Variants in LYRM1 observed in about 807,000 individuals in gnomAD.
LYRM1 encodes LYR motif-containing protein 1.
LYRM1 carries 14 observed loss-of-function variants against 14.9 expected under a neutral mutation model. The ratio of observed to expected loss-of-function variants is 0.94; its 90% CI spans 0.62 to 1.47. The LOEUF is 1.47. Ranked by LOEUF, LYRM1 falls within the 40% of genes most tolerant of loss-of-function variation. The probability of loss-of-function intolerance (pLI) is 0.00; values close to 1 mark genes in which losing one functional copy is unlikely to be tolerated. For missense variants in LYRM1, 153 were observed against 149.9 expected, an observed-to-expected ratio of 1.02 and a Z score of -0.11; for synonymous variants, 43 against 56.2, an observed-to-expected ratio of 0.77 and a Z score of 1.05.
At chr16:20,920,885 C>T (rs2083151202) in intron 3 of LYRM1, among the ~76,000 whole-genome samples, 1 of 150,038 alleles carries the variant, frequency 6.7e-6, no homozygotes, top group Non-Finnish European at 1.5e-5. Flanking sequence ...GAGACCCTGT[C>T]TCAAAAAATA....
intron 3 of LYRM1, among the ~76,000 whole-genome samples, chr16:20,923,498 CA>C (rs66570481): frequency 5.0e-4 from 55 of 110,410 alleles, no homozygotes; most frequent in Admixed American, 7.7e-4. Flanking sequence ...AACTGTGTCT[CA>C]AAAAAAAAAA....
intron 1 of LYRM1, chr16:20,902,386 TAATA>T (rs1168618459): frequency 6.6e-6 from 1 of 152,064 alleles, no homozygotes; most frequent in African/African-American, 2.4e-5. Flanking sequence ...TAGTTGGAGA[TAATA>T]AATAAGGAAG....
At chr16:20,918,610 A>C (rs2083029583) in intron 2 of LYRM1, among the ~76,000 whole-genome samples, 1 of 152,192 alleles carries the variant, frequency 6.6e-6, no homozygotes, top group South Asian at 2.1e-4. Context: ...TCAGATAGAC[A>C]GCTGAAGCCC....
intron 2 of LYRM1, among the ~76,000 whole-genome samples, chr16:20,917,994 C>T (rs2059402435): frequency 6.6e-6 from 1 of 151,950 alleles, no homozygotes; most frequent in Non-Finnish European, 1.5e-5. Flanking sequence ...TAACTGACCT[C>T]CTCCAGGAAA....
intron 1 of LYRM1, among the ~76,000 whole-genome samples, chr16:20,907,813 A>T (rs1305864490): frequency 1.3e-5 from 2 of 152,144 alleles, no homozygotes; most frequent in African/African-American, 4.8e-5. Context: ...CCCAGAAAAT[A>T]ACCCCCACCT....
rs539282314 is a variant in LYRM1, at chr16:20,924,267, A to T, written c.*151A>T. 133 of 588,988 alleles carry T rather than the reference A, an allele frequency of 2.3e-4. No individual in the cohort carries two copies. The highest frequency in any genetic ancestry group is 5.7e-4 in the Admixed American group (18 of 31,730). 36.5% of individuals were successfully genotyped at this position (588,988 alleles called of 1,614,324 possible). A position where few individuals can be genotyped will look rare whatever the true frequency, so the allele number is the denominator to read the frequency against. On this transcript the variant is annotated 3_prime_UTR_variant, in exon 4 of 4. Transcript: ENST00000567954. ...CTCCCCCTGTGATGTAAACTTAGAT[A>T]TCCCTAGAGTTTCTCAGCATCTTTC...
At chr16:20,914,982 G>T (rs575452182) in intron 1 of LYRM1, among the ~76,000 whole-genome samples, 1 of 152,300 alleles carries the variant, frequency 6.6e-6, no homozygotes, top group South Asian at 2.1e-4. Flanking sequence ...AATAATAAGT[G>T]TGAGCTTTGG....
At chr16:20,909,959 T>G (rs2082506552) in intron 1 of LYRM1, among the ~76,000 whole-genome samples, 1 of 152,106 alleles carries the variant, frequency 6.6e-6, no homozygotes, top group South Asian at 2.1e-4. Flanking sequence ...ATTACTTAAG[T>G]GAGGAGTGCT....
Position 20,911,536 on chromosome 16 carries a change from A to G in LYRM1, c.1-4020A>G, listed in dbSNP as rs547928025. ...CCTGTTAGAGGAAAACCCAGAACTC[A>G]GAATGAGGTGTCCAGCTGCCTGGCC... On this transcript the variant is annotated intron_variant, in intron 1 of 3. Coordinates refer to ENST00000567954, the MANE Select transcript of LYRM1 (RefSeq NM_001128302.3). Among the ~76,000 whole-genome samples, 27 of 152,336 alleles carry G rather than the reference A, an allele frequency of 1.8e-4. No homozygotes were observed. The South Asian group carries it at 5.6e-3, about 32-fold the overall frequency.
chr16:20,914,277 CTTTTTT>C (rs3054656), intron 1 of LYRM1, among the ~76,000 whole-genome samples: 4 of 109,300 alleles, frequency 3.7e-5, no homozygotes, highest in African/African-American at 1.0e-4. Context: ...ACAGTCGTCA[CTTTTTT>C]TTTTTTTTTT....
intron 3 of LYRM1, chr16:20,921,711 A>T (rs1363267483): frequency 1.3e-5 from 1 of 75,656 alleles, no homozygotes; most frequent in East Asian, 4.2e-4. Context: ...AAATTTCTTA[A>T]AAAAAAAAAA....
rs200822121 is a variant in LYRM1 at position 20,915,580 on chromosome 16, G to A, written c.25G>A (p.Val9Ile). Residue 9 changes from valine (V) to isoleucine (I), a missense_variant, in exon 2 of 4, where the codon GTC (valine) becomes ATC (isoleucine). Transcript: ENST00000567954. MTTATRQE[V>I]LGLYRSIFRL... ...GATGACAACGGCAACACGACAAGAA[G>A]TCCTTGGCCTCTACCGCAGCATTTT... The A allele has an allele frequency of 1.8e-5, 29 of 1,613,886 alleles. No individual in the cohort carries two copies. Among genetic ancestry groups the A allele is most frequent in the Admixed American group, 5.0e-5 (3 of 59,978 alleles).
At chr16:20,906,380 G>A (rs951648567) in intron 1 of LYRM1, among the ~76,000 whole-genome samples, 1 of 152,182 alleles carries the variant, frequency 6.6e-6, no homozygotes. Context: ...ATCTCATTTG[G>A]GTGGAGTTTA....
chr16:20,903,996 T>C (rs370201174), intron 1 of LYRM1, among the ~76,000 whole-genome samples: 1 of 143,664 alleles, frequency 7.0e-6, no homozygotes, highest in Admixed American at 7.0e-5. Context: ...AATGAATGAA[T>C]GATCTTTAGC....
chr16:20,915,215 G>A (rs1489761746), intron 1 of LYRM1, among the ~76,000 whole-genome samples: 2 of 152,190 alleles, frequency 1.3e-5, no homozygotes, highest in Non-Finnish European at 2.9e-5. Flanking sequence ...GCTCACGCTT[G>A]TAATCCCAGC....
At chr16:20,903,215 CA>C (rs2082153332) in intron 1 of LYRM1, among the ~76,000 whole-genome samples, 2 of 152,166 alleles carry the variant, frequency 1.3e-5, no homozygotes, top group Non-Finnish European at 2.9e-5. Context: ...CATCAAAATC[CA>C]GACTTTGGGC....
intron 1 of LYRM1, among the ~76,000 whole-genome samples, chr16:20,905,176 C>T (rs1041049953): frequency 6.6e-6 from 1 of 152,188 alleles, no homozygotes; most frequent in African/African-American, 2.4e-5. Flanking sequence ...CCTCGTTGTT[C>T]TTCCTCTGTT....
At chr16:20,913,072 T>TAAC (rs1346343899) in intron 1 of LYRM1, among the ~76,000 whole-genome samples, 1 of 37,046 alleles carries the variant, frequency 2.7e-5, no homozygotes, top group Non-Finnish European at 4.5e-5. Context: ...GTCTCAAAAA[T>TAAC]AATAATAATA....
At chr16:20,922,639 G>A (rs2083258404) in intron 3 of LYRM1, among the ~76,000 whole-genome samples, 1 of 151,790 alleles carries the variant, frequency 6.6e-6, no homozygotes. Context: ...ACAGGCCCCC[G>A]CCACCATGCC....
Sources: allele counts gnomAD v4.1 joint callset (sites outside exome capture counted in the v4.1 genomes callset), GRCh38; gene constraint gnomAD v4.1.1; transcripts MANE v1.5; gene names NCBI Gene and HGNC (gene_info 2026-07-23, HGNC 2026-07-21).